The following PCDHA6 variants were observed in gnomAD, a reference collection of about 807,000 sequenced individuals.
PCDHA6 encodes protocadherin alpha 6, also known as protocadherin alpha-6.
A neutral mutation model predicts 60.3 loss-of-function variants in PCDHA6; 55 were observed. The observed-to-expected ratio is 0.91, with a 90% CI of 0.73 to 1.14. The LOEUF (loss-of-function observed/expected upper bound fraction) is 1.14. Ranked by LOEUF, PCDHA6 falls within the 50% of genes most tolerant of loss-of-function variation. The pLI, the probability that PCDHA6 is intolerant of heterozygous loss-of-function variation, is 0.00. For synonymous variants in PCDHA6, 652 were observed against 557.9 expected (o/e 1.17, Z -2.38); for missense variants, 1,327 against 1,256.5 (o/e 1.06, Z -0.85).
chr5:140,968,125 TAC>T, intron 1 of PCDHA6: 1 of 1,614,174 alleles, frequency 6.2e-7, no homozygotes, highest in Non-Finnish European at 8.5e-7. Context: ...CATCCCTGCG[TAC>T]ACTGAAGGTT....
chr5:140,881,283 A>T, intron 1 of PCDHA6: 1 of 799,388 alleles, frequency 1.3e-6, no homozygotes, highest in Non-Finnish European at 1.5e-6. Flanking sequence ...TAAGATGGAG[A>T]GAGAAAATGG....
At chr5:140,875,445 C>A (rs2055496471) in intron 1 of PCDHA6, 1 of 1,582,278 alleles carries the variant, frequency 6.3e-7, no homozygotes, top group Middle Eastern at 1.7e-4. Context: ...AACTGATTGT[C>A]CCAACTCAGA....
intron 1 of PCDHA6, among the ~76,000 whole-genome samples, chr5:140,945,159 A>G (rs1341706509): frequency 2.0e-5 from 3 of 152,178 alleles, no homozygotes; most frequent in Non-Finnish European, 4.4e-5. Flanking sequence ...TACACTATTG[A>G]ACTATCTGAA....
chr5:140,865,396 A>G (rs1280770279), intron 1 of PCDHA6: 1 of 152,234 alleles, frequency 6.6e-6, no homozygotes, highest in Non-Finnish European at 1.5e-5. Context: ...GTTAATATAA[A>G]TGCTGAAAAG....
chr5:140,836,608 C>T (rs2150265408), intron 1 of PCDHA6: 1 of 1,613,636 alleles, frequency 6.2e-7, no homozygotes, highest in Non-Finnish European at 8.5e-7. Context: ...CTGGTGTGCT[C>T]CAGCGCGGTG....
At chr5:140,875,947 GA>G in intron 1 of PCDHA6, 1 of 1,614,184 alleles carries the variant, frequency 6.2e-7, no homozygotes, top group Non-Finnish European at 8.5e-7. Context: ...GGGCGCTTCT[GA>G]TGCGGATATC....
chr5:140,967,854 C>T (rs782783470), intron 1 of PCDHA6: 1 of 1,614,154 alleles, frequency 6.2e-7, no homozygotes, highest in South Asian at 1.1e-5. Flanking sequence ...GACAATGCCC[C>T]AGAGGTGGTG....
At chr5:140,957,130 A>C in intron 1 of PCDHA6, among the ~76,000 whole-genome samples, 1 of 152,188 alleles carries the variant, frequency 6.6e-6, no homozygotes, top group Middle Eastern at 3.2e-3. Flanking sequence ...TCTTTACTAC[A>C]CTATGAACTA....
intron 1 of PCDHA6, among the ~76,000 whole-genome samples, chr5:140,873,824 C>A (rs1411429273): frequency 6.6e-6 from 1 of 152,118 alleles, no homozygotes; most frequent in Non-Finnish European, 1.5e-5. Flanking sequence ...CCACTCCTGG[C>A]TAATTTTTGT....
intron 1 of PCDHA6, chr5:140,862,791 G>A (rs782639549): frequency 1.7e-6 from 1 of 578,844 alleles, no homozygotes; most frequent in Non-Finnish European, 3.3e-6. Context: ...TGGACTACGA[G>A]GAGCTGGAGC....
rs1769950726 is a variant in PCDHA6, at chr5:140,828,787, G to T, written c.696G>T (p.Val232=). 1 of 1,614,216 alleles carries T rather than the reference G, an allele frequency of 6.2e-7. No homozygotes were observed. The highest frequency in any genetic ancestry group is 1.6e-4 in the Middle Eastern group (1 of 6,062). ...GCACTGTTCAGCTGCTGGTCACAGT[G>T]CTGGATGTGAATGATAATGCTCCCA... ...LTGTVQLLVT[V]LDVNDNAPTF... The change falls in exon 1 of 4, where the codon GTG becomes GTT. Residue 232 remains valine, a synonymous_variant. Coordinates refer to ENST00000529310, the MANE Select transcript of PCDHA6 (RefSeq NM_018909.4).
chr5:140,932,021 GT>G (rs1387709791), intron 1 of PCDHA6, among the ~76,000 whole-genome samples: 11 of 151,964 alleles, frequency 7.2e-5, no homozygotes, highest in African/African-American at 2.6e-4. Flanking sequence ...TTTACGGTAA[GT>G]TTACAGTATA....
intron 1 of PCDHA6, among the ~76,000 whole-genome samples, chr5:140,944,151 A>G (rs2093615419): frequency 6.6e-6 from 1 of 152,070 alleles, no homozygotes; most frequent in African/African-American, 2.4e-5. Flanking sequence ...GAAGAGTTGA[A>G]AATTAAAGGG....
At chr5:140,882,884 C>T (rs782007101) in intron 1 of PCDHA6, 3 of 1,614,184 alleles carry the variant, frequency 1.9e-6, no homozygotes, top group Middle Eastern at 3.3e-4. Context: ...AGAGGAAATT[C>T]AGGAACATAG....
Position 140,967,000 on chromosome 5 carries a change from C to T in PCDHA6, c.2395-11949C>T, listed in dbSNP as rs544624379. The T allele has an allele frequency of 6.1e-5, 98 of 1,604,962 alleles. No individual in the cohort carries two copies. The East Asian group carries it at 2.1e-3, about 35-fold the overall frequency. ...GGCGCTTGGGGCCGGGTTGCTTGCG[C>T]ATCAACCATCTGGGTGCGCCCAGTC... On this transcript the variant is annotated intron_variant, in intron 1 of 3. Coordinates refer to ENST00000529310, the MANE Select transcript of PCDHA6 (RefSeq NM_018909.4).
intron 1 of PCDHA6, among the ~76,000 whole-genome samples, chr5:140,912,933 C>T (rs1433213824): frequency 6.6e-6 from 1 of 152,070 alleles, no homozygotes; most frequent in African/African-American, 2.4e-5. Context: ...TTGAATCATC[C>T]TTGTATCCCT....
intron 1 of PCDHA6, among the ~76,000 whole-genome samples, chr5:140,956,777 G>A (rs1470027067): frequency 6.6e-6 from 1 of 152,022 alleles, no homozygotes; most frequent in Admixed American, 6.6e-5. Context: ...GTCTGGTCCT[G>A]GGCTTTGTTT....
intron 1 of PCDHA6, chr5:140,875,423 G>T: frequency 6.6e-7 from 1 of 1,524,996 alleles, no homozygotes; most frequent in Non-Finnish European, 8.8e-7. Context: ...CCTCAGGCAA[G>T]CGATCCCTTA....
At chr5:140,863,871 C>T (rs2048215005) in intron 1 of PCDHA6, 1 of 171,736 alleles carries the variant, frequency 5.8e-6, no homozygotes, top group East Asian at 1.5e-4. Context: ...TGTGGTGGTG[C>T]GCACCTGTAA....
Sources: allele counts gnomAD v4.1 joint callset (sites outside exome capture counted in the v4.1 genomes callset), GRCh38; gene constraint gnomAD v4.1.1; transcripts MANE v1.5; gene names NCBI Gene and HGNC (gene_info 2026-07-23, HGNC 2026-07-21).